The following ASB2 variants were observed in gnomAD, a reference collection of about 807,000 sequenced individuals.
ASB2 encodes the protein ankyrin repeat and SOCS box protein 2.
A neutral mutation model predicts 62.4 loss-of-function variants in ASB2; 58 were observed. The observed-to-expected ratio is 0.93, with a 90% CI of 0.75 to 1.16. The LOEUF (loss-of-function observed/expected upper bound fraction) is 1.16, where lower values mean the gene tolerates loss of function less well. ASB2 is among the 50% of genes most tolerant of loss of function. ASB2 has a pLI of 0.00. For missense variants in ASB2, 928 were observed against 887.9 expected (o/e 1.05, Z -0.57); for synonymous variants, 386 against 385.3 (o/e 1.00, Z -0.02).
intron 2 of ASB2, among the ~76,000 whole-genome samples, chr14:93,960,637 C>G (rs1291681205): frequency 6.6e-6 from 1 of 152,210 alleles, no homozygotes; most frequent in Admixed American, 6.5e-5. Context: ...GAAGCTAGGT[C>G]TGTCCCTTTG....
rs889649358 is a variant in ASB2 at position 93,954,479 on chromosome 14, C to A, written c.316G>T (p.Ala106Ser). Reference protein sequence around the residue: ...SLFKTSQLAPADPLIKAIKDG... With the variant: ...SLFKTSQLAPSDPLIKAIKDG... ...TTGATGGCCTTTATCAAGGGGTCCGCAGGCCTGTGAGAGGAAGGAGTGGGT... is the reference window on the plus strand; with the variant it reads ...TTGATGGCCTTTATCAAGGGGTCCGAAGGCCTGTGAGAGGAAGGAGTGGGT... Residue 106 changes from alanine (A) to serine (S), a missense_variant, in exon 4 of 10, where the codon GCG becomes TCG. Coordinates refer to ENST00000555019, the MANE Select transcript of ASB2 (RefSeq NM_001202429.2). The A allele has an allele frequency of 1.2e-6, 2 of 1,614,168 alleles. No homozygotes were observed. The highest frequency in any genetic ancestry group is 1.7e-6 in the Non-Finnish European group (2 of 1,180,008).
chr14:93,951,240 G>A lies in ASB2; in HGVS notation c.639C>T (p.Cys213=), dbSNP rs4483793. The A allele has an allele frequency of 0.63, 1,011,959 of 1,595,896 alleles. 323,927 individuals are homozygous for A. The highest frequency in any genetic ancestry group is 0.76 in the East Asian group (34,116 of 44,610). ...KSRETPLYKA[C]ERKNAEAVKI... ...TCACGGCCTCCGCGTTCTTGCGCTC[G>A]CAGGCTGTGCTCAGGGGGAAGCAGG... Residue 213 remains cysteine, a synonymous_variant, in exon 6 of 10, where the codon TGC becomes TGT. Transcript: ENST00000555019.
intron 2 of ASB2, among the ~76,000 whole-genome samples, chr14:93,960,981 A>AAATAAATAAATG (rs1209061345): frequency 1.3e-5 from 2 of 151,726 alleles, no homozygotes; most frequent in African/African-American, 4.9e-5. Flanking sequence ...ATAAATAAAT[A>AAATAAATAAATG]AATAAACAGT....
intron 5 of ASB2, among the ~76,000 whole-genome samples, chr14:93,951,645 A>T (rs540050142): frequency 2.0e-5 from 3 of 152,312 alleles, no homozygotes; most frequent in African/African-American, 7.2e-5. Flanking sequence ...ACTGGAATTC[A>T]AACCCTGGTA....
chr14:93,937,754 C>T lies in ASB2; in HGVS notation c.1715G>A (p.Arg572Gln), dbSNP rs749921536. ...AAAGCTGTCGATGTGTTCCTTCAGC[C>T]GCGAGCAGAGCTGCACGTTGCCCAC... ...DYVGNVQLCS[R>Q]LKEHIDSFED... Residue 572 changes from arginine (R) to glutamine (Q), a missense_variant, in exon 9 of 10, where the codon CGG becomes CAG. Coordinates refer to ENST00000555019, the MANE Select transcript of ASB2 (RefSeq NM_001202429.2). 2.0e-5 allele frequency: 33 copies of T among 1,613,072 alleles called. No homozygotes were observed. The highest frequency in any genetic ancestry group is 8.8e-5 in the South Asian group (8 of 91,062).
intron 3 of ASB2, among the ~76,000 whole-genome samples, chr14:93,954,855 C>A (rs1439592687): frequency 6.6e-6 from 1 of 152,150 alleles, no homozygotes; most frequent in Non-Finnish European, 1.5e-5. Flanking sequence ...CCCTCTTAAC[C>A]CTGAGCATAT....
intron 3 of ASB2, among the ~76,000 whole-genome samples, chr14:93,954,781 T>C (rs1034625530): frequency 6.6e-6 from 1 of 152,144 alleles, no homozygotes; most frequent in Non-Finnish European, 1.5e-5. Flanking sequence ...GCACTTGTGA[T>C]AATTAAATGC....
chr14:93,943,382 C>T (rs1031947637), intron 7 of ASB2, among the ~76,000 whole-genome samples: 5 of 152,182 alleles, frequency 3.3e-5, no homozygotes, highest in Non-Finnish European at 5.9e-5. Flanking sequence ...CGGTGGCTCA[C>T]GCCTGTAATC....
rs755045327 is a variant in ASB2 at position 93,939,185 on chromosome 14, G to A, written c.1540C>T (p.Pro514Ser). The change falls in exon 8 of 10, where the codon CCG becomes TCG. Residue 514 changes from proline to serine, a missense_variant. Transcript: ENST00000555019. ...GAGGGCTGCGGGGCCGGCGGGTGCG[G>A]GCCGTTGCCGTAGAGGCATGAGAAG... ...PCFSCLYGNG[P>S]HPPAPQPSSR... 4 of 1,592,208 alleles carry A rather than the reference G, an allele frequency of 2.5e-6. No homozygotes were observed. The highest frequency in any genetic ancestry group is 3.4e-6 in the Non-Finnish European group (4 of 1,165,460).
chr14:93,947,723 G>A (rs1051122284), intron 6 of ASB2, among the ~76,000 whole-genome samples: 4 of 152,158 alleles, frequency 2.6e-5, no homozygotes, highest in African/African-American at 4.8e-5. Flanking sequence ...CTGGCCAGGC[G>A]TGGCTCATGC....
At chr14:93,954,615 C>T in intron 3 of ASB2, 132 bp from the exon 4 acceptor site, 1 of 756,186 alleles carries the variant, frequency 1.3e-6, no homozygotes, top group Non-Finnish European at 2.2e-6. Context: ...GCACTCAGCC[C>T]CCTGCAGCCC....
intron 2 of ASB2, among the ~76,000 whole-genome samples, chr14:93,962,721 C>A (rs150789797): frequency 8.2e-4 from 125 of 152,324 alleles, no homozygotes; most frequent in Admixed American, 1.4e-3. Context: ...CCTGAGGGGG[C>A]TCCTATGCTG....
intron 2 of ASB2, among the ~76,000 whole-genome samples, chr14:93,962,760 C>T (rs192565782): frequency 7.2e-5 from 11 of 152,276 alleles, no homozygotes; most frequent in Admixed American, 3.3e-4. Context: ...CCTGAGGGGA[C>T]GTGCTGGCTT....
rs897856274 is a variant in ASB2, at chr14:93,934,673, A to C, written c.1891T>G (p.Tyr631Asp). Residue 631 changes from tyrosine to aspartate, a missense_variant, in exon 10 of 10, where the codon TAC (tyrosine) becomes GAC (aspartate). Physicochemically the swap from Tyr to Asp is radical, Grantham distance 160. Transcript: ENST00000555019. The stretch of plus-strand genomic sequence containing the variant: ...GGCCCCAGTTACTGGGTGTTCTCGT[A>C]TTTCAGGTATCTAATCAGCCTGCCT... Reference protein sequence around the residue: ...LPGRLIRYLKYENTQ With the variant: ...LPGRLIRYLKDENTQ 1 of 1,614,094 alleles carries C rather than the reference A, an allele frequency of 6.2e-7. No homozygotes were observed. The highest frequency in any genetic ancestry group is 1.3e-5 in the African/African-American group (1 of 75,038).
intron 5 of ASB2, among the ~76,000 whole-genome samples, chr14:93,952,020 C>G (rs1165869088): frequency 6.6e-6 from 1 of 152,152 alleles, no homozygotes; most frequent in African/African-American, 2.4e-5. Flanking sequence ...TTAACCAGCC[C>G]TGGAAGCTTC....
chr14:93,957,364 C>A, intron 2 of ASB2: 1 of 1,022,288 alleles, frequency 9.8e-7, no homozygotes, highest in Non-Finnish European at 1.2e-6. Context: ...CCCACGCCCA[C>A]CTGCCAGCTC....
rs752837921 is a variant in ASB2, at chr14:93,939,300, G to A, written c.1425C>T (p.Pro475=). The A allele has an allele frequency of 2.5e-6, 4 of 1,609,224 alleles. No individual in the cohort carries two copies. The highest frequency in any genetic ancestry group is 1.3e-5 in the African/African-American group (1 of 74,972). The change falls in exon 8 of 10, where the codon CCC becomes CCT. Residue 475 remains proline, a synonymous_variant. Coordinates refer to ENST00000555019, the MANE Select transcript of ASB2 (RefSeq NM_001202429.2). Reference sequence around the variant, plus strand: ...ACATGATGGTGGCGGGGAAGGCGGTGGGGTGCGTGGCGATATAGGCGTCGA... The same window carrying A: ...ACATGATGGTGGCGGGGAAGGCGGTAGGGTGCGTGGCGATATAGGCGTCGA... The part of the protein sequence containing the change: ...ANIDAYIATH[P]TAFPATIMFA...
At chr14:93,949,847 G>A (rs537356620) in intron 6 of ASB2, among the ~76,000 whole-genome samples, 1 of 152,280 alleles carries the variant, frequency 6.6e-6, no homozygotes, top group Non-Finnish European at 1.5e-5. Context: ...GTGCCCCTTT[G>A]TTCTTACGCT....
intron 2 of ASB2, among the ~76,000 whole-genome samples, chr14:93,962,404 C>G (rs1017625005): frequency 6.6e-6 from 1 of 152,200 alleles, no homozygotes; most frequent in Non-Finnish European, 1.5e-5. Context: ...AGGGCCCAAG[C>G]CCAGCCTCCT....
Sources: allele counts gnomAD v4.1 joint callset (sites outside exome capture counted in the v4.1 genomes callset), GRCh38; gene constraint gnomAD v4.1.1; transcripts MANE v1.5; gene names NCBI Gene and HGNC (gene_info 2026-07-23, HGNC 2026-07-21).